CYTH3: variants seen among roughly 807,000 people sequenced by gnomAD.
CYTH3 encodes the protein cytohesin-3.
Under a neutral mutation model 55.1 loss-of-function variants are expected in CYTH3, and 23 were observed. That is an observed-to-expected ratio of 0.42 (90% CI 0.30 to 0.59). The LOEUF is 0.59. CYTH3 is among the 20% of genes least tolerant of loss of function. The pLI is 0.20. For missense variants in CYTH3, 413 were observed against 524.8 expected (o/e 0.79, Z 2.08); for synonymous variants, 249 against 194.9 (o/e 1.28, Z -2.31).
intron 1 of CYTH3, among the ~76,000 whole-genome samples, chr7:6,198,668 G>C (rs1486949028): frequency 6.6e-6 from 1 of 151,896 alleles, no homozygotes; most frequent in Admixed American, 6.6e-5. Flanking sequence ...GAAATCTAGC[G>C]GTTTATTTTT....
intron 1 of CYTH3, among the ~76,000 whole-genome samples, chr7:6,260,304 C>T (rs1780319960): frequency 6.6e-6 from 1 of 152,110 alleles, no homozygotes; most frequent in African/African-American, 2.4e-5. Flanking sequence ...GTTACTTATA[C>T]TAAGAGTGTG....
chr7:6,190,969 C>G (rs374471637), intron 1 of CYTH3, among the ~76,000 whole-genome samples: 4 of 151,670 alleles, frequency 2.6e-5, no homozygotes, highest in African/African-American at 7.3e-5. Context: ...CTCAGCTACT[C>G]GGGAGGCTGA....
intron 1 of CYTH3, among the ~76,000 whole-genome samples, chr7:6,272,085 G>A (rs1216217135): frequency 6.6e-6 from 1 of 152,208 alleles, no homozygotes; most frequent in East Asian, 1.9e-4. Context: ...CTGAAAGGGG[G>A]CGTCCGAAAC....
intron 1 of CYTH3, among the ~76,000 whole-genome samples, chr7:6,246,173 T>A (rs1779810428): frequency 6.6e-6 from 1 of 151,960 alleles, no homozygotes. Context: ...CTCAAACTCT[T>A]GAGCTCAAGT....
intron 9 of CYTH3, among the ~76,000 whole-genome samples, chr7:6,168,037 C>T (rs952860537): frequency 2.2e-4 from 33 of 152,274 alleles, no homozygotes; most frequent in African/African-American, 7.0e-4. Context: ...TGTTTCTGGC[C>T]ACACCACACA....
At chr7:6,233,923 T>A (rs1779452994) in intron 1 of CYTH3, among the ~76,000 whole-genome samples, 1 of 111,368 alleles carries the variant, frequency 9.0e-6, no homozygotes. Context: ...CTGCCTTTTC[T>A]CTGTGTCCTC....
chr7:6,268,915 G>T (rs1562423252), intron 1 of CYTH3, among the ~76,000 whole-genome samples: 1 of 152,212 alleles, frequency 6.6e-6, no homozygotes. Context: ...AGAGCAAGCT[G>T]CTGTTACCAC....
chr7:6,215,483 G>A (rs902619011), intron 1 of CYTH3, among the ~76,000 whole-genome samples: 17 of 151,902 alleles, frequency 1.1e-4, no homozygotes, highest in African/African-American at 2.7e-4. Context: ...CCAGCTAGTC[G>A]GGAGGCTGAG....
At chr7:6,198,351 C>A (rs1482007892) in intron 1 of CYTH3, among the ~76,000 whole-genome samples, 1 of 138,542 alleles carries the variant, frequency 7.2e-6, no homozygotes, top group Non-Finnish European at 1.6e-5. Context: ...ATACCAACAC[C>A]TAGCTGTTAG....
At chr7:6,207,389 C>A (rs962880160) in intron 1 of CYTH3, among the ~76,000 whole-genome samples, 1 of 152,036 alleles carries the variant, frequency 6.6e-6, no homozygotes, top group Non-Finnish European at 1.5e-5. Context: ...CTGCCACGCC[C>A]GACCTAAAAT....
intron 2 of CYTH3, 84 bp from the exon 3 acceptor site, chr7:6,187,805 C>G: frequency 1.8e-6 from 2 of 1,118,646 alleles, no homozygotes; most frequent in Non-Finnish European, 2.7e-6. Flanking sequence ...TCTCTTGTGA[C>G]AAGCTTCCCT....
chr7:6,188,009 G>GGA (rs1562886643), intron 2 of CYTH3, among the ~76,000 whole-genome samples: 1 of 151,104 alleles, frequency 6.6e-6, no homozygotes, highest in African/African-American at 2.5e-5. Context: ...AAGCACACTG[G>GGA]GGGGGGAATA....
intron 1 of CYTH3, among the ~76,000 whole-genome samples, chr7:6,201,933 C>T (rs374782403): frequency 6.6e-6 from 1 of 152,038 alleles, no homozygotes; most frequent in African/African-American, 2.4e-5. Flanking sequence ...AAACACAGAA[C>T]AACTGTTAGA....
chr7:6,271,009 T>C (rs1328188883), intron 1 of CYTH3, among the ~76,000 whole-genome samples: 2 of 152,166 alleles, frequency 1.3e-5, no homozygotes, highest in African/African-American at 4.8e-5. Context: ...GTTGTCTTTC[T>C]TTTCTAACAA....
At chr7:6,218,523 C>T (rs1784476098) in intron 1 of CYTH3, among the ~76,000 whole-genome samples, 1 of 152,164 alleles carries the variant, frequency 6.6e-6, no homozygotes, top group East Asian at 1.9e-4. Context: ...TTTTAAGGCA[C>T]AAAATGTGTG....
At chr7:6,256,229 TGAGACTC>T (rs1780100502) in intron 1 of CYTH3, among the ~76,000 whole-genome samples, 1 of 152,212 alleles carries the variant, frequency 6.6e-6, no homozygotes, top group Non-Finnish European at 1.5e-5. Context: ...CAGCAAGTCC[TGAGACTC>T]GAGAACTTCT....
chr7:6,177,234 C>T (rs535611939), intron 5 of CYTH3, among the ~76,000 whole-genome samples: 1 of 152,238 alleles, frequency 6.6e-6, no homozygotes, highest in African/African-American at 2.4e-5. Context: ...TTTAAAAAAG[C>T]TAAAAACCAA....
chr7:6,170,276 T>C lies in CYTH3; in HGVS notation c.823+259A>G. 2.0e-6 allele frequency: 1 copy of C among 501,950 alleles called. No individual in the cohort carries two copies. 31.1% of individuals were successfully genotyped at this position (501,950 alleles called of 1,614,324 possible). A position where few individuals can be genotyped will look rare whatever the true frequency, so the allele number is the denominator to read the frequency against. On this transcript the variant is annotated intron_variant, in intron 9 of 12. Transcript: ENST00000350796. The surrounding 1 kb of genome is among the most constrained non-coding windows in gnomAD (Gnocchi z 7.8). ...GGAAGCTGCCCTGGCTGGATCTGGA[T>C]GCTAACTCAGCAGTTTTCTGGGACG...
intron 1 of CYTH3, among the ~76,000 whole-genome samples, chr7:6,219,950 G>C (rs1313047365): frequency 6.6e-6 from 1 of 152,138 alleles, no homozygotes; most frequent in Non-Finnish European, 1.5e-5. Context: ...TGTTGGCAGA[G>C]GGATAGACAC....
Sources: allele counts gnomAD v4.1 joint callset (sites outside exome capture counted in the v4.1 genomes callset), GRCh38; gene constraint gnomAD v4.1.1; non-coding constraint Gnocchi (gnomAD v3.1); transcripts MANE v1.5; gene names NCBI Gene and HGNC (gene_info 2026-07-23, HGNC 2026-07-21).